The following CFAP299 variants were observed in gnomAD, a reference collection of about 807,000 sequenced individuals.
CFAP299 encodes cilia- and flagella-associated protein 299.
In CFAP299, 21 loss-of-function variants were observed where a neutral mutation model predicts 27.0. The ratio of observed to expected loss-of-function variants is 0.78; its 90% CI spans 0.55 to 1.12. CFAP299 has a LOEUF of 1.12. CFAP299 is among the 50% of genes most tolerant of loss of function. The pLI, the probability that CFAP299 is intolerant of heterozygous loss-of-function variation, is 0.00. For synonymous variants in CFAP299, 104 were observed against 98.1 expected (o/e 1.06, Z -0.36); for missense variants, 310 against 276.6 (o/e 1.12, Z -0.86).
intron 2 of CFAP299, among the ~76,000 whole-genome samples, chr4:80,571,192 CTA>C (rs1186770338): frequency 6.6e-6 from 1 of 152,016 alleles, no homozygotes; most frequent in African/African-American, 2.4e-5. Flanking sequence ...TCAGCGGCTT[CTA>C]TCTAAAGTAT....
At chr4:80,911,880 G>A (rs1490141726) in intron 4 of CFAP299, among the ~76,000 whole-genome samples, 1 of 151,974 alleles carries the variant, frequency 6.6e-6, no homozygotes, top group African/African-American at 2.4e-5. Context: ...AAATGGTTTA[G>A]TTTTTGACAC....
chr4:80,614,195 A>AT (rs949136594), intron 3 of CFAP299, among the ~76,000 whole-genome samples: 8 of 152,126 alleles, frequency 5.3e-5, no homozygotes, highest in Non-Finnish European at 7.4e-5. Flanking sequence ...AAATAATGCT[A>AT]TTTTTTTCTA....
rs1028575770 is a variant in CFAP299 at position 80,387,043 on chromosome 4, C to A, written c.242+24159C>A. 1.9e-5 allele frequency: 26 copies of A among 1,379,590 alleles called. No homozygotes were observed. In the African/African-American group the frequency reaches 3.3e-4, roughly 17 times the overall value. 85.5% of individuals were successfully genotyped at this position (1,379,590 alleles called of 1,614,324 possible). On this transcript the variant is annotated intron_variant, in intron 2 of 5. Coordinates refer to ENST00000358105, the MANE Select transcript of CFAP299 (RefSeq NM_152770.3). Reference sequence around the variant, plus strand: ...TGCAGGTAGCGTTCACAAGGAAACACCTTCTAGCAGTGTGGGCAGGGGAAG... The same window carrying A: ...TGCAGGTAGCGTTCACAAGGAAACAACTTCTAGCAGTGTGGGCAGGGGAAG...
At chr4:80,418,798 A>G (rs998403874) in intron 2 of CFAP299, among the ~76,000 whole-genome samples, 5 of 152,208 alleles carry the variant, frequency 3.3e-5, no homozygotes, top group African/African-American at 9.7e-5. Context: ...CTCCGTTTAC[A>G]TCAGTGTTGT....
At chr4:80,799,529 A>AT (rs1728148108) in intron 3 of CFAP299, among the ~76,000 whole-genome samples, 1 of 77,826 alleles carries the variant, frequency 1.3e-5, no homozygotes, top group Non-Finnish European at 2.2e-5. Flanking sequence ...TATAATATAT[A>AT]ATATATTTAA....
chr4:80,614,499 G>C (rs1738169931), intron 3 of CFAP299, among the ~76,000 whole-genome samples: 1 of 152,218 alleles, frequency 6.6e-6, no homozygotes, highest in Non-Finnish European at 1.5e-5. Flanking sequence ...GATTTGATTT[G>C]CAAGGCGGGA....
At chr4:80,809,965 G>A (rs1280280939) in intron 3 of CFAP299, among the ~76,000 whole-genome samples, 3 of 152,016 alleles carry the variant, frequency 2.0e-5, no homozygotes, top group Non-Finnish European at 4.4e-5. Flanking sequence ...TACCCATAAA[G>A]TGAATGTGAT....
chr4:80,502,546 T>C (rs1204469609), intron 2 of CFAP299, among the ~76,000 whole-genome samples: 1 of 152,134 alleles, frequency 6.6e-6, no homozygotes, highest in East Asian at 1.9e-4. Flanking sequence ...GCTGTTTTTT[T>C]CTTCCTCTTA....
At chr4:80,339,887 G>A (rs1722355256) in intron 1 of CFAP299, among the ~76,000 whole-genome samples, 2 of 152,102 alleles carry the variant, frequency 1.3e-5, no homozygotes, top group Non-Finnish European at 2.9e-5. Context: ...GCTTTTCTCA[G>A]GTAAAGGATC....
At chr4:80,770,198 A>AT (rs1291274725) in intron 3 of CFAP299, among the ~76,000 whole-genome samples, 1 of 152,110 alleles carries the variant, frequency 6.6e-6, no homozygotes, top group African/African-American at 2.4e-5. Context: ...CCATCTATAG[A>AT]TTTTTGCTCG....
At chr4:80,713,410 G>T (rs1328084914) in intron 3 of CFAP299, among the ~76,000 whole-genome samples, 3 of 152,116 alleles carry the variant, frequency 2.0e-5, no homozygotes, top group Admixed American at 2.0e-4. Flanking sequence ...GACAACAATG[G>T]TCTGACCTAA....
At chr4:80,754,561 T>G (rs1278794080) in intron 3 of CFAP299, among the ~76,000 whole-genome samples, 2 of 152,084 alleles carry the variant, frequency 1.3e-5, no homozygotes, top group African/African-American at 4.8e-5. Context: ...CTGGCTTTTT[T>G]TTTTTACAGT....
At chr4:80,642,606 A>G (rs1401170447) in intron 3 of CFAP299, among the ~76,000 whole-genome samples, 1 of 152,062 alleles carries the variant, frequency 6.6e-6, no homozygotes, top group Non-Finnish European at 1.5e-5. Flanking sequence ...TCTACTAAAA[A>G]TACAAAAATT....
At chr4:80,802,220 A>G (rs1049822373) in intron 3 of CFAP299, among the ~76,000 whole-genome samples, 3 of 152,094 alleles carry the variant, frequency 2.0e-5, no homozygotes, top group Non-Finnish European at 4.4e-5. Flanking sequence ...GGATAGAGAG[A>G]GTAAACAATC....
chr4:80,825,067 T>C (rs1057443292), intron 3 of CFAP299, among the ~76,000 whole-genome samples: 3 of 151,588 alleles, frequency 2.0e-5, no homozygotes, highest in Admixed American at 1.3e-4. Flanking sequence ...AACAAAGAGA[T>C]ATAAACCTAA....
In CFAP299 at chr4:80,795,709, C is replaced by T. The variant is rs139392809; in HGVS notation, c.334-74284C>T. On this transcript the variant is annotated intron_variant, in intron 3 of 5. Transcript: ENST00000358105. ...TGATGGAATACTGCTGTGCATGACC[C>T]ACTTTATGTCTAGTTGAGTCAGAAA... Among the ~76,000 whole-genome samples, 418 of 152,226 alleles carry T rather than the reference C, an allele frequency of 2.7e-3. 2 individuals carry two copies. Among genetic ancestry groups the T allele is most frequent in the African/African-American group, 9.8e-3 (406 of 41,538 alleles).
At position 80,892,292 on chromosome 4, in the gene CFAP299, A is replaced by G. The variant is rs142036708; in HGVS notation, c.476+22157A>G. On this transcript the variant is annotated intron_variant, in intron 4 of 5. Coordinates refer to ENST00000358105, the MANE Select transcript of CFAP299 (RefSeq NM_152770.3). The stretch of plus-strand genomic sequence containing the variant: ...CTGTTGAATAAATGGTGCTGGGAAA[A>G]GTAGATATCCATATCCAAAAAAGAA... Among the ~76,000 whole-genome samples, 700 of 152,308 alleles carry G rather than the reference A, an allele frequency of 4.6e-3. 4 individuals are homozygous for G. The highest frequency in any genetic ancestry group is 0.016 in the African/African-American group (656 of 41,576).
intron 4 of CFAP299, among the ~76,000 whole-genome samples, chr4:80,903,411 C>A (rs933507490): frequency 1.3e-5 from 2 of 151,818 alleles, no homozygotes; most frequent in Non-Finnish European, 2.9e-5. Flanking sequence ...AAATTGAAAT[C>A]TGAAAAAAAT....
chr4:80,566,682 T>C (rs1735305805), intron 2 of CFAP299, among the ~76,000 whole-genome samples: 1 of 151,930 alleles, frequency 6.6e-6, no homozygotes, highest in African/African-American at 2.4e-5. Flanking sequence ...AAACAAGAGG[T>C]TTCTTTCTTT....
Sources: allele counts gnomAD v4.1 joint callset (sites outside exome capture counted in the v4.1 genomes callset), GRCh38; gene constraint gnomAD v4.1.1; transcripts MANE v1.5; gene names NCBI Gene and HGNC (gene_info 2026-07-23, HGNC 2026-07-21).